Variants in MS4A4E observed in about 807,000 individuals in gnomAD.
MS4A4E encodes putative membrane-spanning 4-domains subfamily A member 4E.
A neutral mutation model predicts 13.3 loss-of-function variants in MS4A4E; 23 were observed. That is an observed-to-expected ratio of 1.73 (90% CI 1.25 to 2.45). MS4A4E has a LOEUF of 2.45. Among genes scored for constraint, MS4A4E ranks in the 30% most tolerant of loss-of-function variants. MS4A4E has a pLI of 0.00. For synonymous variants in MS4A4E, 36 were observed against 45.6 expected (o/e 0.79, Z 0.85); for missense variants, 144 against 131.2 (o/e 1.10, Z -0.48).
intron 1 of MS4A4E, among the ~76,000 whole-genome samples, chr11:60,237,317 AT>A (rs1282020081): frequency 4.6e-5 from 7 of 152,178 alleles, no homozygotes; most frequent in African/African-American, 1.7e-4. Flanking sequence ...CATGGTGTAT[AT>A]ATACCACATT....
At chr11:60,204,611 C>T (rs2134910572) in intron 8 of MS4A4E, among the ~76,000 whole-genome samples, 1 of 152,326 alleles carries the variant, frequency 6.6e-6, no homozygotes, top group Admixed American at 6.5e-5. Context: ...CAGCAGCCAT[C>T]ATGCTACTAT....
At position 60,243,090 on chromosome 11, in the gene MS4A4E, C is replaced by T. The variant is rs1157709388; in HGVS notation, c.-149G>A. ...CCTCACTCAGTTTAAATCTGCACTC[C>T]TTTTCTAGTAGATGTTTGGAACCTT... On this transcript the variant is annotated 5_prime_UTR_variant, in exon 1 of 9. Transcript: ENST00000651255. 3 of 677,438 alleles carry T rather than the reference C, an allele frequency of 4.4e-6. No homozygotes were observed. Among genetic ancestry groups the T allele is most frequent in the Non-Finnish European group, 7.1e-6 (3 of 421,598 alleles). The allele number at this position is 677,438 out of a possible 1,614,324, so 42.0% of individuals were successfully genotyped here.
chr11:60,213,793 G>C (rs762874631), intron 4 of MS4A4E, among the ~76,000 whole-genome samples: 2 of 152,084 alleles, frequency 1.3e-5, no homozygotes, highest in Non-Finnish European at 2.9e-5. Flanking sequence ...TTTATGAAAG[G>C]CATCTTGACA....
At chr11:60,230,169 C>T in intron 1 of MS4A4E, 98 bp from the exon 2 acceptor site, 1 of 1,281,096 alleles carries the variant, frequency 7.8e-7, no homozygotes, top group Non-Finnish European at 1.0e-6. Flanking sequence ...AAAACCTGGT[C>T]TACATTCCCC....
intron 1 of MS4A4E, among the ~76,000 whole-genome samples, chr11:60,234,710 T>C (rs1450755421): frequency 6.6e-6 from 1 of 151,862 alleles, no homozygotes; most frequent in East Asian, 1.9e-4. Flanking sequence ...AGCTTAGTAC[T>C]TCATAAAATT....
At chr11:60,208,995 T>C (rs945890453) in intron 5 of MS4A4E, 32 of 166,688 alleles carry the variant, frequency 1.9e-4, no homozygotes, top group Middle Eastern at 2.8e-3. Flanking sequence ...ATTGTCATCA[T>C]ATCCTATTGA....
In MS4A4E at chr11:60,242,592, A is replaced by G. The variant is rs73485348; in HGVS notation, c.-17+366T>C. 4.8e-3 allele frequency among the ~76,000 whole-genome samples: 728 copies of G among 152,298 alleles called. 4 individuals are homozygous for G. Among genetic ancestry groups the G allele is most frequent in the African/African-American group, 0.017 (713 of 41,556 alleles). ...CAGAGACAAAGAATAAAGACCATGG[A>G]AGAAGTGCATTAACAGTAGATGAGG... On this transcript the variant is annotated intron_variant, in intron 1 of 8. Transcript: ENST00000651255.
chr11:60,227,385 A>T (rs2084356982), intron 3 of MS4A4E, among the ~76,000 whole-genome samples: 1 of 152,090 alleles, frequency 6.6e-6, no homozygotes, highest in African/African-American at 2.4e-5. Flanking sequence ...CCCCATCTCT[A>T]CTAAAAATAC....
At position 60,201,181 on chromosome 11, in the gene MS4A4E, A is replaced by AG. The variant is rs1443236396; in HGVS notation, c.*361dup. On this transcript the variant is annotated 3_prime_UTR_variant, in exon 9 of 9. Coordinates refer to ENST00000651255, the MANE Select transcript of MS4A4E (RefSeq NM_001393391.1). The stretch of plus-strand genomic sequence containing the variant: ...GTAGAGGGGCTCCTCACTTCCCAGT[A>AG]GGGGCGGCTGGGCAGAGGCGCCCCT... 4.0e-5 allele frequency: 5 copies of AG among 125,058 alleles called. No individual in the cohort carries two copies. The highest frequency in any genetic ancestry group is 1.6e-4 in the African/African-American group (5 of 31,396). 7.7% of individuals were successfully genotyped at this position (125,058 alleles called of 1,614,324 possible).
intron 3 of MS4A4E, among the ~76,000 whole-genome samples, chr11:60,215,319 T>A (rs2084178724): frequency 1.3e-5 from 2 of 151,722 alleles, no homozygotes; most frequent in Non-Finnish European, 2.9e-5. Context: ...GGAAAAAAAA[T>A]AACAGTAGAG....
chr11:60,222,174 G>A (rs1191665106), intron 3 of MS4A4E, among the ~76,000 whole-genome samples: 2 of 152,166 alleles, frequency 1.3e-5, no homozygotes, highest in Admixed American at 6.5e-5. Context: ...AAAGGGCAGC[G>A]GTTTTTCCTC....
Position 60,243,058 on chromosome 11 carries a change from C to T in MS4A4E, c.-117G>A. ...TTCCAGACACAGTCAGCTTCCCCCA[C>T]TCCACACCTCACTCAGTTTAAATCT... On this transcript the variant is annotated 5_prime_UTR_variant, in exon 1 of 9. It adds an upstream start codon to the 5' untranslated region. Transcript: ENST00000651255. The T allele has an allele frequency of 1.9e-6, 2 of 1,061,210 alleles. No individual in the cohort carries two copies. The highest frequency in any genetic ancestry group is 2.8e-6 in the Non-Finnish European group (2 of 721,902). The allele number at this position is 1,061,210 out of a possible 1,614,324, so 65.7% of individuals were successfully genotyped here. A position where few individuals can be genotyped will look rare whatever the true frequency, so the allele number is the denominator to read the frequency against.
At chr11:60,212,283 T>C (rs1472675719) in intron 5 of MS4A4E, among the ~76,000 whole-genome samples, 2 of 152,016 alleles carry the variant, frequency 1.3e-5, no homozygotes. Flanking sequence ...CAATTTTACT[T>C]TATTATTTGA....
In MS4A4E at chr11:60,206,462, T is replaced by TAC. The variant is rs201703107; in HGVS notation, c.484-644_484-643dup. Among the ~76,000 whole-genome samples, 104 of 69,070 alleles carry TAC rather than the reference T, an allele frequency of 1.5e-3. 1 individual carries two copies. In the East Asian group the frequency reaches 0.023, roughly 15 times the overall value. 45.3% of individuals were successfully genotyped at this position (69,070 alleles called of 152,430 possible). On this transcript the variant is annotated intron_variant, in intron 6 of 8. Coordinates refer to ENST00000651255, the MANE Select transcript of MS4A4E (RefSeq NM_001393391.1). Reference sequence around the variant, plus strand: ...AAATGAGAACAAAATTTTGAATATATACACACACACACATATATATATATA... The same window carrying TAC: ...AAATGAGAACAAAATTTTGAATATATACACACACACACACATATATATATATA...
intron 5 of MS4A4E, among the ~76,000 whole-genome samples, chr11:60,211,363 CAA>C (rs1565119130): frequency 6.6e-6 from 1 of 152,168 alleles, no homozygotes; most frequent in Non-Finnish European, 1.5e-5. Context: ...ATTAGTTTCG[CAA>C]AGACACCTCA....
chr11:60,202,951 G>C (rs1176105995), intron 8 of MS4A4E, among the ~76,000 whole-genome samples: 1 of 152,158 alleles, frequency 6.6e-6, no homozygotes, highest in Non-Finnish European at 1.5e-5. Flanking sequence ...ATTTGAAACA[G>C]TAATATTATA....
intron 2 of MS4A4E, among the ~76,000 whole-genome samples, chr11:60,229,215 T>A (rs1027892532): frequency 6.6e-6 from 1 of 152,244 alleles, no homozygotes; most frequent in African/African-American, 2.4e-5. Context: ...CAGTATATTT[T>A]AAAATAATTA....
chr11:60,203,202 TTTG>T (rs1402080877), intron 8 of MS4A4E, among the ~76,000 whole-genome samples: 7 of 152,356 alleles, frequency 4.6e-5, no homozygotes, highest in African/African-American at 1.4e-4. Context: ...TTATTTTTAC[TTTG>T]TTATTTGCTT....
intron 1 of MS4A4E, among the ~76,000 whole-genome samples, chr11:60,239,901 G>C (rs1025498136): frequency 1.5e-4 from 23 of 152,214 alleles, no homozygotes; most frequent in Admixed American, 7.9e-4. Flanking sequence ...TGCTGAACTT[G>C]AGAGAATTGT....
Sources: gnomAD v4.1 joint callset for allele counts (sites outside exome capture counted in the v4.1 genomes callset) on GRCh38, gnomAD v4.1.1 for gene constraint, MANE v1.5 for transcripts, NCBI Gene and HGNC (gene_info 2026-07-23, HGNC 2026-07-21) for gene names.